The following CCSER1 variants were observed in gnomAD, a reference collection of about 807,000 sequenced individuals.
CCSER1 encodes coiled-coil serine rich protein 1.
CCSER1 carries 41 observed loss-of-function variants against 82.0 expected under a neutral mutation model. The ratio of observed to expected loss-of-function variants is 0.50; its 90% CI spans 0.39 to 0.65. The LOEUF is 0.65. Ranked by LOEUF, CCSER1 falls within the 30% of genes least tolerant of loss-of-function variation. The pLI is 0.00. For missense variants in CCSER1, 1,119 were observed against 1,064.2 expected (o/e 1.05, Z -0.72); for synonymous variants, 414 against 383.9 (o/e 1.08, Z -0.92).
chr4:90,781,188 A>G, intron 7 of CCSER1: 1 of 855,988 alleles, frequency 1.2e-6, no homozygotes, highest in Non-Finnish European at 1.4e-6. Flanking sequence ...TGGGGATCAC[A>G]ACTCGACATG....
intron 10 of CCSER1, among the ~76,000 whole-genome samples, chr4:91,461,165 C>T (rs1413828415): frequency 6.6e-6 from 1 of 152,114 alleles, no homozygotes; most frequent in African/African-American, 2.4e-5. Flanking sequence ...TTTATTTAGC[C>T]AGTCTATGGC....
intron 6 of CCSER1, among the ~76,000 whole-genome samples, chr4:90,665,449 G>C (rs1731580308): frequency 6.6e-6 from 1 of 151,900 alleles, no homozygotes; most frequent in Non-Finnish European, 1.5e-5. Flanking sequence ...AGCCTCCTGA[G>C]TAGCTGGGAC....
At chr4:91,449,320 A>G (rs983172884) in intron 10 of CCSER1, among the ~76,000 whole-genome samples, 4 of 152,014 alleles carry the variant, frequency 2.6e-5, no homozygotes, top group Non-Finnish European at 4.4e-5. Context: ...AAAAAAAATG[A>G]GAAAAGTGGT....
intron 10 of CCSER1, among the ~76,000 whole-genome samples, chr4:91,243,996 G>A (rs1739569905): frequency 6.6e-6 from 1 of 152,180 alleles, no homozygotes; most frequent in South Asian, 2.1e-4. Context: ...CTCTTAGAAA[G>A]CATTTCCTGA....
chr4:90,800,040 G>T (rs373442703), intron 7 of CCSER1, among the ~76,000 whole-genome samples: 6 of 152,226 alleles, frequency 3.9e-5, no homozygotes, highest in East Asian at 1.9e-4. Flanking sequence ...TCTTCCTTCT[G>T]TCCACTCTTG....
chr4:91,050,535 T>C (rs971260849), intron 9 of CCSER1, among the ~76,000 whole-genome samples: 1 of 152,206 alleles, frequency 6.6e-6, no homozygotes, highest in Admixed American at 6.5e-5. Flanking sequence ...TGCCTTTCCG[T>C]GTCACAAATC....
intron 10 of CCSER1, among the ~76,000 whole-genome samples, chr4:91,360,780 T>C (rs1346094595): frequency 6.6e-6 from 1 of 151,872 alleles, no homozygotes; most frequent in East Asian, 1.9e-4. Context: ...TTTTCTTCTT[T>C]ATTGGATGTC....
chr4:91,020,447 G>C (rs760913178), intron 9 of CCSER1, among the ~76,000 whole-genome samples: 2 of 152,122 alleles, frequency 1.3e-5, no homozygotes, highest in Non-Finnish European at 1.5e-5. Flanking sequence ...TGGATCACGA[G>C]GTCAGGAGAT....
At chr4:91,465,229 A>G (rs1756806739) in intron 10 of CCSER1, among the ~76,000 whole-genome samples, 2 of 152,218 alleles carry the variant, frequency 1.3e-5, no homozygotes, top group South Asian at 4.1e-4. Context: ...CAACATGGAA[A>G]CTGAACAACC....
At position 90,214,839 on chromosome 4, in the gene CCSER1, A is replaced by T. The variant is rs140676609; in HGVS notation, c.-42+87008A>T. ...GTTGTGAATCACATTACCTTTTACAAAGAATTTTGAATATTCTAGTAAATA... is the reference window on the plus strand; with the variant it reads ...GTTGTGAATCACATTACCTTTTACATAGAATTTTGAATATTCTAGTAAATA... On this transcript the variant is annotated intron_variant, in intron 1 of 10. Transcript: ENST00000509176. Among the ~76,000 whole-genome samples, 53 of 152,332 alleles carry T rather than the reference A, an allele frequency of 3.5e-4. 1 individual carries two copies. The highest frequency in any genetic ancestry group is 1.3e-3 in the African/African-American group (52 of 41,586).
chr4:91,491,980 G>A (rs6532312), intron 10 of CCSER1, among the ~76,000 whole-genome samples: 93,976 of 145,750 alleles, frequency 0.64, 30,998 homozygotes, highest in Non-Finnish European at 0.74. Context: ...ATGCGGCAAT[G>A]TATCTAATGA....
intron 10 of CCSER1, among the ~76,000 whole-genome samples, chr4:91,151,045 T>C (rs1460714661): frequency 1.3e-5 from 2 of 152,170 alleles, no homozygotes; most frequent in Non-Finnish European, 2.9e-5. Context: ...GAAGGAATGG[T>C]AGCAGCTCCT....
Position 90,391,238 on chromosome 4 carries a change from G to A in CCSER1, c.1510-8798G>A, listed in dbSNP as rs191380362. On this transcript the variant is annotated intron_variant, in intron 3 of 10. Transcript: ENST00000509176. ...CAGTGAGCCGAGATCGTGCCATTGC[G>A]CTCCAGCCTGGGCGACAGAGCAAGA... 9.3e-3 allele frequency among the ~76,000 whole-genome samples: 1,233 copies of A among 132,420 alleles called. 10 individuals carry two copies. Among genetic ancestry groups the A allele is most frequent in the South Asian group, 0.028 (117 of 4,244 alleles). The allele number at this position is 132,420 out of a possible 152,430, so 86.9% of individuals were successfully genotyped here.
chr4:91,558,670 G>A (rs925460181), intron 10 of CCSER1, among the ~76,000 whole-genome samples: 1 of 151,542 alleles, frequency 6.6e-6, no homozygotes, highest in Non-Finnish European at 1.5e-5. Context: ...CATGGTGGTG[G>A]CAAGAGAAAA....
chr4:90,378,280 A>G (rs769870715), intron 3 of CCSER1, among the ~76,000 whole-genome samples: 8 of 152,176 alleles, frequency 5.3e-5, no homozygotes, highest in Non-Finnish European at 8.8e-5. Flanking sequence ...AATAACCTGT[A>G]CTTGTAAAAT....
chr4:91,006,873 T>C (rs1738563070), intron 9 of CCSER1, among the ~76,000 whole-genome samples: 1 of 152,242 alleles, frequency 6.6e-6, no homozygotes, highest in Admixed American at 6.5e-5. Flanking sequence ...GTTCCAGATC[T>C]TTCAACTTTT....
rs1192752416 is a variant in CCSER1 at position 90,639,617 on chromosome 4, A to G, written c.1932+11385A>G. Among the ~76,000 whole-genome samples, 5 of 152,166 alleles carry G rather than the reference A, an allele frequency of 3.3e-5. No homozygotes were observed. The East Asian group carries it at 9.7e-4, about 29-fold the overall frequency. On this transcript the variant is annotated intron_variant, in intron 6 of 10. Transcript: ENST00000509176. ...CAATAGTACCTGCTTGTGAACTGGA[A>G]TAGAGTGGTGACAGATAGAGAAAAA...
At chr4:90,691,611 CATGTATAT>C (rs1378960487) in intron 6 of CCSER1, among the ~76,000 whole-genome samples, 1 of 139,972 alleles carries the variant, frequency 7.1e-6, no homozygotes, top group African/African-American at 2.5e-5. Flanking sequence ...GTATATATCA[CATGTATAT>C]ATGTGTATGT....
chr4:90,834,606 CAAAT>C (rs1354064045), intron 8 of CCSER1, among the ~76,000 whole-genome samples: 1 of 152,026 alleles, frequency 6.6e-6, no homozygotes, highest in African/African-American at 2.4e-5. Context: ...CTTATAGTAT[CAAAT>C]ATTAGATCTG....
Sources: gnomAD v4.1 joint callset for allele counts (sites outside exome capture counted in the v4.1 genomes callset) on GRCh38, gnomAD v4.1.1 for gene constraint, MANE v1.5 for transcripts, NCBI Gene and HGNC (gene_info 2026-07-23, HGNC 2026-07-21) for gene names.